The following FLI1 variants were observed in gnomAD, a reference collection of about 807,000 sequenced individuals.
The protein encoded by FLI1 is Fli-1 proto-oncogene, ETS transcription factor.
A neutral mutation model predicts 53.1 loss-of-function variants in FLI1; 13 were observed. The observed-to-expected ratio is 0.24, with a 90% confidence interval of 0.16 to 0.39. The LOEUF (loss-of-function observed/expected upper bound fraction) is 0.39. FLI1 is among the 10% of genes least tolerant of loss of function. The probability of loss-of-function intolerance (pLI) is 1.00; values close to 1 mark genes in which losing one functional copy is unlikely to be tolerated. For missense variants in FLI1, 424 were observed against 600.5 expected, an observed-to-expected ratio of 0.71 and a Z score of 3.07; for synonymous variants, 244 against 236.7, an observed-to-expected ratio of 1.03 and a Z score of -0.28.
At chr11:128,697,409 C>T (rs1404504587) in intron 1 of FLI1, among the ~76,000 whole-genome samples, 1 of 152,132 alleles carries the variant, frequency 6.6e-6, no homozygotes, top group Non-Finnish European at 1.5e-5. Context: ...TAGCTGTGTG[C>T]CTTATAGCAA....
chr11:128,756,050 C>T (rs1367772326), intron 1 of FLI1, among the ~76,000 whole-genome samples: 1 of 152,198 alleles, frequency 6.6e-6, no homozygotes, highest in Non-Finnish European at 1.5e-5. Flanking sequence ...CTGAAGAAGA[C>T]ATTCAATTCA....
chr11:128,744,893 T>C (rs1940310768), intron 1 of FLI1, among the ~76,000 whole-genome samples: 1 of 152,142 alleles, frequency 6.6e-6, no homozygotes, highest in African/African-American at 2.4e-5. Context: ...CAAGGCAGTC[T>C]AAGATAAAGT....
chr11:128,797,796 T>C (rs745812020), intron 5 of FLI1, among the ~76,000 whole-genome samples: 9 of 152,164 alleles, frequency 5.9e-5, no homozygotes, highest in African/African-American at 1.2e-4. Flanking sequence ...GAAACAAAGG[T>C]GCTTAAGATA....
chr11:128,716,138 A>G (rs1939000116), intron 1 of FLI1, among the ~76,000 whole-genome samples: 2 of 152,208 alleles, frequency 1.3e-5, no homozygotes, highest in Non-Finnish European at 2.9e-5. Flanking sequence ...GGGGAGTAAA[A>G]AGCCTGATTC....
intron 1 of FLI1, among the ~76,000 whole-genome samples, chr11:128,725,092 A>G (rs1317459505): frequency 6.6e-6 from 1 of 152,138 alleles, no homozygotes; most frequent in African/African-American, 2.4e-5. Context: ...TGACCACCAC[A>G]AGTACCAGTG....
chr11:128,717,290 A>G (rs774520218), intron 1 of FLI1, among the ~76,000 whole-genome samples: 1 of 152,200 alleles, frequency 6.6e-6, no homozygotes, highest in Non-Finnish European at 1.5e-5. Flanking sequence ...CTGTGTAAGG[A>G]GAGAGGAGAT....
chr11:128,800,163 C>T (rs1205472272), intron 5 of FLI1, among the ~76,000 whole-genome samples: 1 of 152,154 alleles, frequency 6.6e-6, no homozygotes, highest in African/African-American at 2.4e-5. Context: ...GCTACCAAAT[C>T]CCCCTGCTCT....
intron 1 of FLI1, among the ~76,000 whole-genome samples, chr11:128,712,960 T>G (rs1284651742): frequency 6.6e-6 from 1 of 152,224 alleles, no homozygotes; most frequent in Admixed American, 6.5e-5. Context: ...GGCTTTCTCA[T>G]GGGGAGATCT....
chr11:128,772,995 GC>G lies in FLI1; in HGVS notation c.589+13del. On this transcript the variant is annotated intron_variant, in intron 4 of 8. Coordinates refer to ENST00000527786, the MANE Select transcript of FLI1 (RefSeq NM_002017.5). ...AGTTACCTCAGGGAAAGTAAGTGCC[GC>G]CCAAGTACCCAGGGCTGGGAGGAAG... The G allele has an allele frequency of 6.2e-7, 1 of 1,611,668 alleles. No homozygotes were observed. The highest frequency in any genetic ancestry group is 8.5e-7 in the Non-Finnish European group (1 of 1,179,084).
At chr11:128,745,629 C>G (rs988953587) in intron 1 of FLI1, among the ~76,000 whole-genome samples, 1 of 152,322 alleles carries the variant, frequency 6.6e-6, no homozygotes, top group African/African-American at 2.4e-5. Flanking sequence ...TCAGGGTCTC[C>G]CCTGTCCCCA....
chr11:128,686,387 G>A, upstream of FLI1: 1 of 456,304 alleles, frequency 2.2e-6, no homozygotes, highest in South Asian at 1.5e-5. Flanking sequence ...GTAGGGAGGA[G>A]ACCCAATGGT....
At chr11:128,726,183 C>T (rs1477688417) in intron 1 of FLI1, among the ~76,000 whole-genome samples, 1 of 152,156 alleles carries the variant, frequency 6.6e-6, no homozygotes, top group East Asian at 1.9e-4. Context: ...TAAATCTCCC[C>T]CAACCGCTGG....
At chr11:128,741,874 G>T (rs754829324) in intron 1 of FLI1, among the ~76,000 whole-genome samples, 4 of 152,158 alleles carry the variant, frequency 2.6e-5, no homozygotes, top group Non-Finnish European at 4.4e-5. Flanking sequence ...GATGCTGAGT[G>T]GGGGAGGCTG....
rs1942754127 is a variant in FLI1, at chr11:128,805,426, A to G, written c.716A>G (p.Asn239Ser). Residue 239 changes from asparagine (N) to serine (S), a missense_variant, in exon 6 of 9, where the codon AAC becomes AGC. By Grantham distance (46) the Asn-to-Ser change is conservative (BLOSUM62 1). Around this residue, in one of 5 missense-constraint regions of FLI1, gnomAD observed 114 missense variants for 117.9 expected, o/e 0.97. Transcript: ENST00000527786. ...AWGNNMNSGL[N>S]KSPPLGGAQT... The stretch of plus-strand genomic sequence containing the variant: ...GGCAATAACATGAATTCTGGCCTCA[A>G]CAAAAGTAAGTAAATGTTTTATAGT... 1 of 1,567,100 alleles carries G rather than the reference A, an allele frequency of 6.4e-7. No individual in the cohort carries two copies. Among genetic ancestry groups the G allele is most frequent in the Non-Finnish European group, 8.7e-7 (1 of 1,149,488 alleles).
chr11:128,699,955 A>G (rs1938254720), intron 1 of FLI1, among the ~76,000 whole-genome samples: 1 of 152,212 alleles, frequency 6.6e-6, no homozygotes, highest in South Asian at 2.1e-4. Context: ...GCAGGGACTA[A>G]ACTATGTTCT....
At chr11:128,730,140 T>C (rs1329771616) in intron 1 of FLI1, among the ~76,000 whole-genome samples, 1 of 152,266 alleles carries the variant, frequency 6.6e-6, no homozygotes, top group Non-Finnish European at 1.5e-5. Context: ...CACTCTGATT[T>C]GTATATTATC....
At chr11:128,794,373 A>T (rs1483890068) in intron 5 of FLI1, among the ~76,000 whole-genome samples, 1 of 152,150 alleles carries the variant, frequency 6.6e-6, no homozygotes, top group East Asian at 1.9e-4. Context: ...CACCACATGG[A>T]GGTTATTTGA....
chr11:128,791,611 G>A (rs1479753873), intron 5 of FLI1, among the ~76,000 whole-genome samples: 2 of 152,224 alleles, frequency 1.3e-5, no homozygotes, highest in Non-Finnish European at 2.9e-5. Flanking sequence ...CAGCAGTCTG[G>A]TGTAGAACTA....
At chr11:128,741,291 G>T (rs553516258) in intron 1 of FLI1, among the ~76,000 whole-genome samples, 2 of 152,352 alleles carry the variant, frequency 1.3e-5, no homozygotes, top group East Asian at 1.9e-4. Flanking sequence ...TACTCGGGAG[G>T]CTGAGGCAGG....
Sources: gnomAD v4.1 joint callset for allele counts (sites outside exome capture counted in the v4.1 genomes callset) on GRCh38, gnomAD v4.1.1 for gene constraint, gnomAD v4.1.1 regional missense constraint, MANE v1.5 for transcripts, NCBI Gene and HGNC (gene_info 2026-07-23, HGNC 2026-07-21) for gene names.